SLC9A8: variants seen among roughly 807,000 people sequenced by gnomAD.
SLC9A8 encodes the protein solute carrier family 9 member A8, also known as sodium/hydrogen exchanger 8.
SLC9A8 carries 48 observed loss-of-function variants against 66.6 expected under a neutral mutation model. The ratio of observed to expected loss-of-function variants is 0.72; its 90% confidence interval spans 0.57 to 0.92. The LOEUF (loss-of-function observed/expected upper bound fraction) is 0.92. Ranked by LOEUF, SLC9A8 falls within the 40% of genes least tolerant of loss-of-function variation. The probability of loss-of-function intolerance (pLI) is 0.00; values close to 1 mark genes in which losing one functional copy is unlikely to be tolerated. For synonymous variants in SLC9A8, 274 were observed against 282.6 expected, an observed-to-expected ratio of 0.97 and a Z score of 0.31; for missense variants, 599 against 747.3, an observed-to-expected ratio of 0.80 and a Z score of 2.31.
At chr20:49,852,032 G>C (rs1236693507) in intron 7 of SLC9A8, among the ~76,000 whole-genome samples, 1 of 152,204 alleles carries the variant, frequency 6.6e-6, no homozygotes, top group East Asian at 1.9e-4. Flanking sequence ...TTAGAGCCGG[G>C]TAGTGTTTTC....
intron 3 of SLC9A8, among the ~76,000 whole-genome samples, chr20:49,833,437 AAAAT>A (rs1316066255): frequency 1.3e-5 from 2 of 152,262 alleles, no homozygotes. Context: ...TACTGCAAGA[AAAAT>A]AAAACATTTC....
chr20:49,879,492 T>C (rs1357756752), intron 12 of SLC9A8, among the ~76,000 whole-genome samples: 3 of 152,258 alleles, frequency 2.0e-5, no homozygotes, highest in African/African-American at 7.2e-5. Flanking sequence ...GTAAAATGAT[T>C]AGCATGTTGT....
At chr20:49,871,434 T>G (rs991214226) in intron 10 of SLC9A8, among the ~76,000 whole-genome samples, 4 of 152,244 alleles carry the variant, frequency 2.6e-5, no homozygotes, top group Non-Finnish European at 4.4e-5. Context: ...GCATTTGCTT[T>G]CTTAAACGAT....
chr20:49,876,577 T>G lies in SLC9A8; in HGVS notation c.1076-1404T>G, dbSNP rs896790912. ...CATAGAGGATTGGGCATTAGAAAAATTGTCGAATTTTGACAATTTGTCAAA... is the reference window on the plus strand; with the variant it reads ...CATAGAGGATTGGGCATTAGAAAAAGTGTCGAATTTTGACAATTTGTCAAA... On this transcript the variant is annotated intron_variant, in intron 11 of 15. Transcript: ENST00000361573. Among the ~76,000 whole-genome samples, 4 of 152,114 alleles carry G rather than the reference T, an allele frequency of 2.6e-5. No individual in the cohort carries two copies. The East Asian group carries it at 5.8e-4, about 22-fold the overall frequency.
chr20:49,814,915 T>G (rs1442447754), intron 1 of SLC9A8, 93 bp from the exon 2 acceptor site: 2 of 1,066,624 alleles, frequency 1.9e-6, no homozygotes, highest in Non-Finnish European at 2.6e-6. Flanking sequence ...TCCCATAAAG[T>G]TCTTGGACAG....
intron 14 of SLC9A8, among the ~76,000 whole-genome samples, chr20:49,884,493 C>T (rs185076389): frequency 1.3e-5 from 2 of 152,094 alleles, no homozygotes; most frequent in Admixed American, 6.6e-5. Flanking sequence ...TGGGGCACCA[C>T]AGGAGTCTGG....
At chr20:49,887,633 C>T (rs1384821358) in intron 15 of SLC9A8, among the ~76,000 whole-genome samples, 196 bp from the exon 16 acceptor site, 3 of 152,190 alleles carry the variant, frequency 2.0e-5, no homozygotes, top group Non-Finnish European at 2.9e-5. Context: ...TTCTGAATGA[C>T]ACCTCCCGTG....
chr20:49,831,271 G>A (rs1262425174), intron 3 of SLC9A8, among the ~76,000 whole-genome samples: 1 of 152,180 alleles, frequency 6.6e-6, no homozygotes, highest in African/African-American at 2.4e-5. Context: ...TGGTATGGAG[G>A]GGATGAGTGT....
chr20:49,887,859 ACT>A lies in SLC9A8; in HGVS notation c.1673_1674del (p.Leu558HisfsTer75). On this transcript the variant is annotated frameshift_variant, in exon 16 of 16. Coordinates refer to ENST00000361573, the MANE Select transcript of SLC9A8 (RefSeq NM_015266.3). LOFTEE classifies it high-confidence loss of function. ...GCACCACGGGCGCATCCAGATGAAA[ACT>A]CTCACCAACAAGTGGTACGAGGAGG... ...DLHHGRIQMK[T>X]LTNKWYEEVR... 6.2e-7 allele frequency: 1 copy of A among 1,611,984 alleles called. No individual in the cohort carries two copies. The highest frequency in any genetic ancestry group is 1.3e-5 in the African/African-American group (1 of 74,870).
chr20:49,857,431 T>C (rs910160058), intron 8 of SLC9A8, among the ~76,000 whole-genome samples: 3 of 152,214 alleles, frequency 2.0e-5, no homozygotes, highest in East Asian at 1.9e-4. Context: ...AATAAGGTAC[T>C]ACAGGGCTGG....
At chr20:49,830,930 T>A in intron 3 of SLC9A8, 1 of 849,168 alleles carries the variant, frequency 1.2e-6, no homozygotes, top group Non-Finnish European at 2.1e-6. Flanking sequence ...TCTACTGAAA[T>A]ACATGCAGAA....
At chr20:49,830,098 A>T (rs1303040695) in intron 3 of SLC9A8, 1 of 739,888 alleles carries the variant, frequency 1.4e-6, no homozygotes, top group African/African-American at 1.7e-5. Flanking sequence ...ATTTCCTGCT[A>T]AGCCAAACAA....
In SLC9A8 at chr20:49,864,819, G is replaced by A; in HGVS notation, c.933G>A (p.Gly311=). ...MMIIFAYLPY[G]LAEGISLSGI... is the part of the protein sequence containing the mutation. The stretch of plus-strand genomic sequence containing the variant: ...TCATTTTTGCTTATCTGCCTTATGG[G>A]CTTGCAGAAGGAATCTCACTCTCAG... Residue 311 remains glycine (G), a synonymous_variant, in exon 10 of 16, where the codon GGG becomes GGA. Coordinates refer to ENST00000361573, the MANE Select transcript of SLC9A8 (RefSeq NM_015266.3). 1.9e-6 allele frequency: 3 copies of A among 1,613,042 alleles called. No individual in the cohort carries two copies. The highest frequency in any genetic ancestry group is 1.7e-6 in the Non-Finnish European group (2 of 1,178,976).
Position 49,864,793 on chromosome 20 carries a change from A to G in SLC9A8, c.907A>G (p.Ile303Val). 1 of 1,614,116 alleles carries G rather than the reference A, an allele frequency of 6.2e-7. No individual in the cohort carries two copies. Among genetic ancestry groups the G allele is most frequent in the Non-Finnish European group, 8.5e-7 (1 of 1,179,970 alleles). The change falls in exon 10 of 16, where the codon ATC (isoleucine) becomes GTC (valine). Residue 303 changes from isoleucine to valine, a missense_variant. Physicochemically the swap from Ile to Val is conservative, Grantham distance 29 (BLOSUM62 3). Around this residue, in one of 2 missense-constraint regions of SLC9A8, gnomAD observed 467 missense variants for 626.5 expected, o/e 0.75. Coordinates refer to ENST00000361573, the MANE Select transcript of SLC9A8 (RefSeq NM_015266.3). Reference sequence around the variant, plus strand: ...GCCTTCCTTGGAGTTTGGCATGATGATCATTTTTGCTTATCTGCCTTATGG... The same window carrying G: ...GCCTTCCTTGGAGTTTGGCATGATGGTCATTTTTGCTTATCTGCCTTATGG... ...KTPSLEFGMMIIFAYLPYGLA... is the reference protein window; with the variant it reads ...KTPSLEFGMMVIFAYLPYGLA...
intron 8 of SLC9A8, among the ~76,000 whole-genome samples, chr20:49,862,656 C>T (rs375251144): frequency 5.9e-5 from 9 of 152,282 alleles, no homozygotes; most frequent in South Asian, 2.1e-4. Flanking sequence ...ACCCCTCCCG[C>T]GGATTGTCAT....
chr20:49,814,440 C>G (rs1401166794), intron 1 of SLC9A8, among the ~76,000 whole-genome samples: 2 of 152,134 alleles, frequency 1.3e-5, no homozygotes. Flanking sequence ...AATCCCAGCA[C>G]AGTGTGAAAG....
intron 3 of SLC9A8, among the ~76,000 whole-genome samples, chr20:49,831,889 TG>T (rs1039488043): frequency 9.2e-5 from 14 of 152,218 alleles, no homozygotes; most frequent in African/African-American, 3.4e-4. Context: ...CAGACACCAC[TG>T]CCACAGTGGG....
At chr20:49,823,023 G>GTT in intron 2 of SLC9A8, 38 bp from the exon 3 acceptor site, 1 of 1,530,162 alleles carries the variant, frequency 6.5e-7, no homozygotes, top group Non-Finnish European at 9.0e-7. Flanking sequence ...AGAATTGAGT[G>GTT]TTTTTTTTAA....
rs6020066 is a variant in SLC9A8, at chr20:49,817,887, C to T, written c.208+2698C>T. On this transcript the variant is annotated intron_variant, in intron 2 of 15. Transcript: ENST00000361573. Reference sequence around the variant, plus strand: ...TTTCTTTTTCTTTTGTGATAGTAGTCGAAGACAAAGAAGAAAAGCATTTCT... The same window carrying T: ...TTTCTTTTTCTTTTGTGATAGTAGTTGAAGACAAAGAAGAAAAGCATTTCT... 7.6e-3 allele frequency among the ~76,000 whole-genome samples: 1,150 copies of T among 152,042 alleles called. 14 individuals carry two copies. The highest frequency in any genetic ancestry group is 0.026 in the African/African-American group (1,093 of 41,496).
Sources: allele counts gnomAD v4.1 joint callset (sites outside exome capture counted in the v4.1 genomes callset), GRCh38; gene constraint gnomAD v4.1.1; regional missense constraint gnomAD v4.1.1; transcripts MANE v1.5; gene names NCBI Gene and HGNC (gene_info 2026-07-23, HGNC 2026-07-21).